Variants in CAB39 observed in about 807,000 individuals in gnomAD.
CAB39 encodes calcium-binding protein 39.
A neutral mutation model predicts 40.0 loss-of-function variants in CAB39; 8 were observed. That is an observed-to-expected ratio of 0.20 (90% CI 0.12 to 0.36). The LOEUF (loss-of-function observed/expected upper bound fraction) is 0.36, where lower values mean the gene tolerates loss of function less well. Among genes scored for constraint, CAB39 ranks in the 10% least tolerant of loss-of-function variants. The pLI is 1.00. For missense variants in CAB39, 270 were observed against 401.1 expected (o/e 0.67, Z 2.79); for synonymous variants, 156 against 141.6 (o/e 1.10, Z -0.72).
At position 230,818,538 on chromosome 2, in the gene CAB39, A is replaced by G. The variant is rs756495467; in HGVS notation, c.860A>G (p.Lys287Arg). The stretch of plus-strand genomic sequence containing the variant: ...CAGGTGTTTGTAGCCAATCCTAACA[A>G]GACGCAGCCCATCCTAGACATCCTC... ...VFKVFVANPN[K>R]TQPILDILLK... The change falls in exon 9 of 9, where the codon AAG (lysine) becomes AGG (arginine). Residue 287 changes from lysine (K) to arginine (R), a missense_variant. By Grantham distance (26) the Lys-to-Arg change is conservative. Coordinates refer to ENST00000258418, the MANE Select transcript of CAB39 (RefSeq NM_016289.4). 2 of 1,613,912 alleles carry G rather than the reference A, an allele frequency of 1.2e-6. No homozygotes were observed. Among genetic ancestry groups the G allele is most frequent in the Non-Finnish European group, 1.7e-6 (2 of 1,179,998 alleles).
intron 1 of CAB39, among the ~76,000 whole-genome samples, chr2:230,729,808 C>T (rs1353787238): frequency 6.6e-6 from 1 of 151,160 alleles, no homozygotes; most frequent in Non-Finnish European, 1.5e-5. Flanking sequence ...TAATTGGTAG[C>T]ACTTGGCTAT....
chr2:230,780,288 C>T (rs892126958), intron 2 of CAB39, among the ~76,000 whole-genome samples: 1 of 152,088 alleles, frequency 6.6e-6, no homozygotes, highest in South Asian at 2.1e-4. Context: ...TGCCTTTCAC[C>T]CAGCCTCCCT....
At chr2:230,776,152 G>A (rs1040145029) in intron 2 of CAB39, among the ~76,000 whole-genome samples, 2 of 152,180 alleles carry the variant, frequency 1.3e-5, no homozygotes, top group Non-Finnish European at 2.9e-5. Flanking sequence ...TAAGACTAGA[G>A]AAACAAGCTT....
In CAB39 at chr2:230,814,241, C is replaced by T. The variant is rs1696359708; in HGVS notation, c.693+127C>T. 4 of 559,142 alleles carry T rather than the reference C, an allele frequency of 7.2e-6. No homozygotes were observed. The East Asian group carries it at 1.2e-4, about 17-fold the overall frequency. The allele number at this position is 559,142 out of a possible 1,614,324, so 34.6% of individuals were successfully genotyped here. A position where few individuals can be genotyped will look rare whatever the true frequency, so the allele number is the denominator to read the frequency against. ...GGAAATAAATACCTTTGCCGAGGGT[C>T]AAGATTTTTGCGGAAAGGAATGGAG... On this transcript the variant is annotated intron_variant, in intron 7 of 8. Transcript: ENST00000258418.
chr2:230,748,284 C>T (rs908667035), intron 1 of CAB39, among the ~76,000 whole-genome samples: 3 of 152,038 alleles, frequency 2.0e-5, no homozygotes, highest in Admixed American at 2.0e-4. Context: ...TGATTTGATT[C>T]AGAATTGTAG....
intron 5 of CAB39, among the ~76,000 whole-genome samples, chr2:230,800,189 A>C (rs1696064152): frequency 6.6e-6 from 1 of 152,162 alleles, no homozygotes; most frequent in Admixed American, 6.5e-5. Context: ...ATGAGCACAC[A>C]CTTTGGTCTC....
chr2:230,804,311 A>G (rs188818889), intron 5 of CAB39, among the ~76,000 whole-genome samples: 9,018 of 152,252 alleles, frequency 0.059, 911 homozygotes, highest in African/African-American at 0.2. Flanking sequence ...AAGACAACCT[A>G]GGCACTACCA....
chr2:230,774,790 CAGA>C (rs1251531778), intron 2 of CAB39, among the ~76,000 whole-genome samples: 2 of 151,524 alleles, frequency 1.3e-5, no homozygotes, highest in African/African-American at 4.9e-5. Flanking sequence ...TCTTGGACAC[CAGA>C]AGGTTATTAA....
At chr2:230,777,476 G>A (rs1158487615) in intron 2 of CAB39, among the ~76,000 whole-genome samples, 1 of 150,010 alleles carries the variant, frequency 6.7e-6, no homozygotes, top group East Asian at 2.0e-4. Context: ...CTGGAGTGCA[G>A]TGGCATAATC....
chr2:230,794,865 G>A (rs1695954266), intron 4 of CAB39, among the ~76,000 whole-genome samples: 1 of 152,064 alleles, frequency 6.6e-6, no homozygotes, highest in African/African-American at 2.4e-5. Flanking sequence ...TCCCTAGTAC[G>A]CATTACAAAA....
At chr2:230,729,164 G>A (rs1694640916) in intron 1 of CAB39, among the ~76,000 whole-genome samples, 1 of 152,174 alleles carries the variant, frequency 6.6e-6, no homozygotes, top group South Asian at 2.1e-4. Context: ...CACAGAGCCT[G>A]GTTTTGAACC....
chr2:230,725,284 G>A (rs999343796), intron 1 of CAB39: 304 of 1,574,700 alleles, frequency 1.9e-4, no homozygotes, highest in Non-Finnish European at 1.8e-4. Context: ...CGTAGGCCTT[G>A]TCAAAGCCCC....
At chr2:230,773,294 A>ATGTGTGTG (rs35804272) in intron 2 of CAB39, among the ~76,000 whole-genome samples, 1 of 132,038 alleles carries the variant, frequency 7.6e-6, no homozygotes, top group Admixed American at 8.0e-5. Context: ...TCATGGGTGT[A>ATGTGTGTG]TGTGTATATA....
intron 5 of CAB39, among the ~76,000 whole-genome samples, chr2:230,800,147 C>A (rs986051806): frequency 6.6e-6 from 1 of 152,136 alleles, no homozygotes; most frequent in African/African-American, 2.4e-5. Context: ...TCTGAGGGTT[C>A]ATTTTCATGA....
At chr2:230,806,061 G>A (rs905774447) in intron 5 of CAB39, among the ~76,000 whole-genome samples, 3 of 152,084 alleles carry the variant, frequency 2.0e-5, no homozygotes, top group African/African-American at 7.2e-5. Flanking sequence ...TTCCACTTGA[G>A]GACCCAGCTG....
At chr2:230,782,595 G>A (rs558757504) in intron 2 of CAB39, among the ~76,000 whole-genome samples, 1 of 152,078 alleles carries the variant, frequency 6.6e-6, no homozygotes, top group South Asian at 2.1e-4. Flanking sequence ...AGTTTGATGT[G>A]TATTCTCCCA....
chr2:230,758,831 G>A (rs1695240294), intron 1 of CAB39, among the ~76,000 whole-genome samples: 1 of 152,152 alleles, frequency 6.6e-6, no homozygotes, highest in Non-Finnish European at 1.5e-5. Flanking sequence ...TCTAAAAAGT[G>A]TCATCTTTCG....
intron 1 of CAB39, among the ~76,000 whole-genome samples, chr2:230,738,468 G>A (rs551289045): frequency 6.6e-6 from 1 of 152,186 alleles, no homozygotes; most frequent in East Asian, 1.9e-4. Flanking sequence ...CAGGATCAAG[G>A]CTTCATATGC....
chr2:230,771,092 G>T (rs1695474663), intron 2 of CAB39, among the ~76,000 whole-genome samples: 1 of 151,518 alleles, frequency 6.6e-6, no homozygotes, highest in African/African-American at 2.4e-5. Context: ...TGAAAAGAAA[G>T]CAGTAAAACT....
Sources: gnomAD v4.1 joint callset for allele counts (sites outside exome capture counted in the v4.1 genomes callset) on GRCh38, gnomAD v4.1.1 for gene constraint, MANE v1.5 for transcripts, NCBI Gene and HGNC (gene_info 2026-07-23, HGNC 2026-07-21) for gene names.